The following DRC8 variants were observed in gnomAD, a reference collection of about 807,000 sequenced individuals.
The protein encoded by DRC8 is dynein regulatory complex protein 8.
chr1:245,088,638 G>C, the DRC8 span, among the ~76,000 whole-genome samples: 1 of 152,224 alleles, frequency 6.6e-6, no homozygotes, highest in South Asian at 2.1e-4. The surrounding 1 kb of genome is among the most constrained non-coding windows in gnomAD (Gnocchi z 4.6). Flanking sequence ...AGGGTCCCGT[G>C]CAAGTGCCGA....
At chr1:245,038,872 A>T in the DRC8 span, among the ~76,000 whole-genome samples, 1 of 151,936 alleles carries the variant, frequency 6.6e-6, no homozygotes, top group Admixed American at 6.5e-5. Flanking sequence ...AAAATTTTAC[A>T]TAATAAAATT....
At chr1:245,019,063 C>A in the DRC8 span, among the ~76,000 whole-genome samples, 1 of 152,076 alleles carries the variant, frequency 6.6e-6, no homozygotes, top group Admixed American at 6.6e-5. Context: ...TGATGCCAGG[C>A]CTTTTTTGGT....
the DRC8 span, among the ~76,000 whole-genome samples, chr1:245,059,672 A>G: frequency 6.6e-6 from 1 of 152,348 alleles, no homozygotes; most frequent in South Asian, 2.1e-4. Context: ...CAAGTAACAC[A>G]ACTGATCAAA....
chr1:245,106,807 G>A, the DRC8 span, among the ~76,000 whole-genome samples: 1 of 152,206 alleles, frequency 6.6e-6, no homozygotes, highest in African/African-American at 2.4e-5. Flanking sequence ...CACTTTGGGA[G>A]GCTGAGGCTG....
At chr1:245,058,668 T>C in the DRC8 span, among the ~76,000 whole-genome samples, 1 of 152,242 alleles carries the variant, frequency 6.6e-6, no homozygotes, top group African/African-American at 2.4e-5. Context: ...ATCCCTGTCT[T>C]AATATTCAGA....
At chr1:245,008,269 A>G in the DRC8 span, among the ~76,000 whole-genome samples, 154 of 152,332 alleles carry the variant, frequency 1.0e-3, no homozygotes, top group Middle Eastern at 3.4e-3. Flanking sequence ...GGGACTCTAC[A>G]TGAGGCTTGA....
chr1:244,970,345 G>A, the DRC8 span: 1 of 1,504,710 alleles, frequency 6.6e-7, no homozygotes, highest in Non-Finnish European at 8.8e-7. Context: ...CTCGCCGCGG[G>A]GCGCTGAGCA....
the DRC8 span, among the ~76,000 whole-genome samples, chr1:245,066,519 G>T: frequency 6.6e-6 from 1 of 152,090 alleles, no homozygotes; most frequent in Non-Finnish European, 1.5e-5. Flanking sequence ...TGATATAGAG[G>T]ATAAAAGAAT....
chr1:245,014,481 G>A, the DRC8 span, among the ~76,000 whole-genome samples: 1 of 152,086 alleles, frequency 6.6e-6, no homozygotes, highest in Admixed American at 6.6e-5. Flanking sequence ...TTATTGCTGT[G>A]TTATAATAAA....
At chr1:245,044,850 C>T in the DRC8 span, among the ~76,000 whole-genome samples, 11 of 152,070 alleles carry the variant, frequency 7.2e-5, no homozygotes, top group Middle Eastern at 3.4e-3. Flanking sequence ...CTCCCCCGAC[C>T]CAGCCCCAAC....
chr1:245,078,186 C>T, the DRC8 span, among the ~76,000 whole-genome samples: 1 of 152,016 alleles, frequency 6.6e-6, no homozygotes, highest in African/African-American at 2.4e-5. Context: ...ATCAAAAAGA[C>T]AAAAGTGTTG....
At chr1:245,080,836 T>C in the DRC8 span, among the ~76,000 whole-genome samples, 1 of 152,208 alleles carries the variant, frequency 6.6e-6, no homozygotes, top group Non-Finnish European at 1.5e-5. Context: ...AGCAACCTTA[T>C]CACTGTCATG....
the DRC8 span, among the ~76,000 whole-genome samples, chr1:245,036,439 T>G: frequency 6.6e-6 from 1 of 152,212 alleles, no homozygotes; most frequent in Non-Finnish European, 1.5e-5. Flanking sequence ...TAGTAGTTCT[T>G]GGGAAAGTTA....
chr1:245,047,125 A>G, the DRC8 span, among the ~76,000 whole-genome samples: 3 of 152,104 alleles, frequency 2.0e-5, no homozygotes, highest in Admixed American at 6.6e-5. Context: ...TTTTCCACAC[A>G]CACTTGACTC....
chr1:245,084,068 C>T, the DRC8 span, among the ~76,000 whole-genome samples: 37 of 114,412 alleles, frequency 3.2e-4, 3 homozygotes, highest in Non-Finnish European at 4.4e-4. Context: ...TTCCGCCCCC[C>T]CCCCGGCGCC....
the DRC8 span, among the ~76,000 whole-genome samples, chr1:245,007,401 T>C: frequency 6.6e-6 from 1 of 152,316 alleles, no homozygotes; most frequent in East Asian, 1.9e-4. Context: ...CATTTGAATA[T>C]GGAATAGATA....
At chr1:245,041,158 C>T in the DRC8 span, among the ~76,000 whole-genome samples, 878 of 152,168 alleles carry the variant, frequency 5.8e-3, 9 homozygotes, top group African/African-American at 0.017. Context: ...CTGTGTGAAG[C>T]AGGGGAGAGC....
At chr1:245,083,509 A>G in the DRC8 span, 6 of 1,597,666 alleles carry the variant, frequency 3.8e-6, no homozygotes, top group East Asian at 4.5e-5. Context: ...GCTTATATGC[A>G]TATACATATA....
At chr1:245,097,808 C>T in the DRC8 span, among the ~76,000 whole-genome samples, 1 of 152,008 alleles carries the variant, frequency 6.6e-6, no homozygotes, top group South Asian at 2.1e-4. This position sits in a 1 kb window ranked among gnomAD's most constrained non-coding sequence, Gnocchi z 5.0. Context: ...AAGGGCATTC[C>T]TTGTAGAGGA....
Sources: gnomAD v4.1 joint callset for allele counts (sites outside exome capture counted in the v4.1 genomes callset) on GRCh38, gnomAD v4.1.1 for gene constraint, Gnocchi (gnomAD v3.1) non-coding constraint, MANE v1.5 for transcripts, NCBI Gene and HGNC (gene_info 2026-07-23, HGNC 2026-07-21) for gene names.